The following VLDLR variants were observed in gnomAD, a reference collection of about 807,000 sequenced individuals.
VLDLR encodes the protein very low-density lipoprotein receptor.
Under a neutral mutation model 112.7 loss-of-function variants are expected in VLDLR, and 81 were observed. The observed-to-expected ratio is 0.72, with a 90% CI of 0.60 to 0.86. The LOEUF (loss-of-function observed/expected upper bound fraction) is 0.86. Ranked by LOEUF, VLDLR falls within the 40% of genes least tolerant of loss-of-function variation. VLDLR has a pLI of 0.00. For missense variants in VLDLR, 1,237 were observed against 1,099.4 expected (o/e 1.13, Z -1.77); for synonymous variants, 436 against 384.8 (o/e 1.13, Z -1.56).
At chr9:2,651,725 C>T (rs760721105) in intron 16 of VLDLR, 149 bp from the exon 17 acceptor site, 3 of 933,578 alleles carry the variant, frequency 3.2e-6, no homozygotes, top group Non-Finnish European at 5.0e-6. Flanking sequence ...GACTCAAATA[C>T]TTCTAAGCCA....
intron 1 of VLDLR, among the ~76,000 whole-genome samples, chr9:2,634,720 A>T (rs1817525168): frequency 1.3e-5 from 2 of 152,074 alleles, no homozygotes; most frequent in African/African-American, 2.4e-5. Flanking sequence ...TTCCCTCTTA[A>T]CTATACTTTC....
Position 2,644,949 on chromosome 9 carries a change from C to T in VLDLR, c.1187-8C>T, listed in dbSNP as rs750291780. On this transcript the variant is annotated splice_region_variant and splice_polypyrimidine_tract_variant and intron_variant, in intron 8 of 18. Transcript: ENST00000382100. ...GAGCAGCAAGACTAATTCTGATTTCCCTCCCAGATATTGATGAATGCCAAA... is the reference window on the plus strand; with the variant it reads ...GAGCAGCAAGACTAATTCTGATTTCTCTCCCAGATATTGATGAATGCCAAA... The T allele has an allele frequency of 6.2e-7, 1 of 1,614,128 alleles. No individual in the cohort carries two copies. The highest frequency in any genetic ancestry group is 2.2e-5 in the East Asian group (1 of 44,872).
chr9:2,653,088 G>C, intron 18 of VLDLR, 139 bp downstream of exon 18: 1 of 1,111,792 alleles, frequency 9.0e-7, no homozygotes, highest in Non-Finnish European at 1.3e-6. Context: ...TAGACAGACA[G>C]TATAGCCTGT....
rs1586626904 is a variant in VLDLR at position 2,622,194 on chromosome 9, G to T, written c.5G>T (p.Gly2Val). 1 of 1,496,590 alleles carries T rather than the reference G, an allele frequency of 6.7e-7. No homozygotes were observed. The highest frequency in any genetic ancestry group is 1.3e-5 in the South Asian group (1 of 78,756). The allele number at this position is 1,496,590 out of a possible 1,614,324, so 92.7% of individuals were successfully genotyped here. A position where few individuals can be genotyped will look rare whatever the true frequency, so the allele number is the denominator to read the frequency against. M[G>V]TSALWALWLL... Reference sequence around the variant, plus strand: ...GGCACCATCCAGGCGGGCACCATGGGCACGTCCGCGCTCTGGGCGCTCTGG... The same window carrying T: ...GGCACCATCCAGGCGGGCACCATGGTCACGTCCGCGCTCTGGGCGCTCTGG... The change falls in exon 1 of 19, where the codon GGC becomes GTC. Residue 2 changes from glycine to valine, a missense_variant. Physicochemically the swap from Gly to Val is moderately radical, Grantham distance 109. Coordinates refer to ENST00000382100, the MANE Select transcript of VLDLR (RefSeq NM_003383.5).
rs754721607 is a variant in VLDLR, at chr9:2,652,899, T to C, written c.2536T>C (p.Ser846Pro). The C allele has an allele frequency of 6.2e-7, 1 of 1,614,114 alleles. No individual in the cohort carries two copies. The highest frequency in any genetic ancestry group is 8.5e-7 in the Non-Finnish European group (1 of 1,179,994). Residue 846 changes from serine to proline, a missense_variant, in exon 18 of 19, where the codon TCC (serine) becomes CCC (proline). Transcript: ENST00000382100. The stretch of plus-strand genomic sequence containing the variant: ...CTTGAAAACCACTGAAGAGGACCTC[T>C]CCATAGACATTGGTAGACACAGTGC... ...VYLKTTEEDL[S>P]IDIGRHSASV... is the part of the protein sequence containing the mutation.
Position 2,641,440 on chromosome 9 carries a change from T to C in VLDLR, c.389T>C (p.Val130Ala), listed in dbSNP as rs781628975. 6.8e-6 allele frequency: 11 copies of C among 1,614,170 alleles called. No homozygotes were observed. The East Asian group carries it at 2.5e-4, about 36-fold the overall frequency. Reference protein sequence around the residue: ...CGAHSTQCIPVSWRCDGENDC... With the variant: ...CGAHSTQCIPASWRCDGENDC... ...GCCCATTCTACTCAGTGTATCCCAGTGTCCTGGAGATGTGATGGTGAAAAT... is the reference window on the plus strand; with the variant it reads ...GCCCATTCTACTCAGTGTATCCCAGCGTCCTGGAGATGTGATGGTGAAAAT... The change falls in exon 4 of 19, where the codon GTG becomes GCG. Residue 130 changes from valine to alanine, a missense_variant. Physicochemically the swap from Val to Ala is moderately conservative, Grantham distance 64. Coordinates refer to ENST00000382100, the MANE Select transcript of VLDLR (RefSeq NM_003383.5).
rs200297150 is a variant in VLDLR, at chr9:2,648,357, G to T, written c.1962+10G>T. 2 of 1,614,088 alleles carry T rather than the reference G, an allele frequency of 1.2e-6. No individual in the cohort carries two copies. The highest frequency in any genetic ancestry group is 2.2e-5 in the East Asian group (1 of 44,874). On this transcript the variant is annotated intron_variant, in intron 13 of 18. Coordinates refer to ENST00000382100, the MANE Select transcript of VLDLR (RefSeq NM_003383.5). ...ACTAACAATATTTGAGGTAAGATGT[G>T]TCTCACATCAAAGTGTGTACCTTTG...
intron 15 of VLDLR, among the ~76,000 whole-genome samples, 156 bp from the exon 16 acceptor site, chr9:2,651,259 T>C (rs1304395479): frequency 6.6e-6 from 1 of 152,236 alleles, no homozygotes; most frequent in African/African-American, 2.4e-5. Context: ...AAGATTGCTA[T>C]TTCAATGTTG....
rs1337171439 is a variant in VLDLR at position 2,635,500 on chromosome 9, C to T, written c.130C>T (p.Arg44Cys). 1.2e-6 allele frequency: 2 copies of T among 1,614,038 alleles called. No homozygotes were observed. Among genetic ancestry groups the T allele is most frequent in the Non-Finnish European group, 1.7e-6 (2 of 1,179,984 alleles). Residue 44 changes from arginine (R) to cysteine (C), a missense_variant, in exon 2 of 19, where the codon CGC becomes TGC. By Grantham distance (180) the Arg-to-Cys change is radical. Transcript: ENST00000382100. ...CTCCCAATTCCAGTGCACAAATGGT[C>T]GCTGTATTACGCTGTTGTGGAAATG... ...EPSQFQCTNG[R>C]CITLLWKCDG...
At chr9:2,640,082 C>T in intron 3 of VLDLR, 101 bp downstream of exon 3, 4 of 1,599,362 alleles carry the variant, frequency 2.5e-6, no homozygotes, top group Middle Eastern at 1.7e-4. Context: ...TTTTTCTTTG[C>T]CTGCCTTAAA....
rs1818713892 is a variant in VLDLR, at chr9:2,659,166, A to G, written c.*5298A>G. ...ACTTGCTCTTCACAGCAACCCTAAT[A>G]GGTATCTCCATTTTACATAGGTAAA... On this transcript the variant is annotated 3_prime_UTR_variant, in exon 19 of 19. Coordinates refer to ENST00000382100, the MANE Select transcript of VLDLR (RefSeq NM_003383.5). The G allele has an allele frequency of 6.6e-6, 1 of 152,210 alleles. No individual in the cohort carries two copies. The highest frequency in any genetic ancestry group is 1.5e-5 in the Non-Finnish European group (1 of 68,036). 9.4% of individuals were successfully genotyped at this position (152,210 alleles called of 1,614,324 possible). A position where few individuals can be genotyped will look rare whatever the true frequency, so the allele number is the denominator to read the frequency against.
intron 3 of VLDLR, 51 bp from the exon 4 acceptor site, chr9:2,641,326 C>T: frequency 6.2e-7 from 1 of 1,612,882 alleles, no homozygotes; most frequent in Non-Finnish European, 8.5e-7. Context: ...GGAGCAGCAG[C>T]TTTGCATTGA....
chr9:2,644,750 G>C lies in VLDLR; in HGVS notation c.1083G>C (p.Leu361Phe). 2 of 1,614,084 alleles carry C rather than the reference G, an allele frequency of 1.2e-6. No individual in the cohort carries two copies. Among genetic ancestry groups the C allele is most frequent in the African/African-American group, 1.3e-5 (1 of 75,014 alleles). The change falls in exon 8 of 19, where the codon TTG (leucine) becomes TTC (phenylalanine). Residue 361 changes from leucine to phenylalanine, a missense_variant. Leu to Phe is a conservative substitution (Grantham distance 22). Coordinates refer to ENST00000382100, the MANE Select transcript of VLDLR (RefSeq NM_003383.5). Reference sequence around the variant, plus strand: ...TTATTCCAGATATAAACGAATGCTTGGTAAATAATGGTGGATGTTCTCATA... The same window carrying C: ...TTATTCCAGATATAAACGAATGCTTCGTAAATAATGGTGGATGTTCTCATA... ...PLKECHINECLVNNGGCSHIC... is the reference protein window; with the variant it reads ...PLKECHINECFVNNGGCSHIC...
At chr9:2,638,130 T>C (rs1374076099) in intron 2 of VLDLR, among the ~76,000 whole-genome samples, 3 of 152,184 alleles carry the variant, frequency 2.0e-5, no homozygotes, top group Non-Finnish European at 4.4e-5. Context: ...TGAATAGCAC[T>C]TAATTCATTA....
In VLDLR at chr9:2,622,167, G is replaced by GCGGCGGCGGCGGCAC. The variant is rs1554617688; in HGVS notation, c.-19_-18insGGCGGCGGCACCGGC. The stretch of plus-strand genomic sequence containing the variant: ...GCGAACGGCGGCGGCGGCGGCGGCG[G>GCGGCGGCGGCGGCAC]CGGCACCATCCAGGCGGGCACCATG... On this transcript the variant is annotated 5_prime_UTR_variant, in exon 1 of 19. Coordinates refer to ENST00000382100, the MANE Select transcript of VLDLR (RefSeq NM_003383.5). 2 of 1,417,716 alleles carry GCGGCGGCGGCGGCAC rather than the reference G, an allele frequency of 1.4e-6. No individual in the cohort carries two copies. The highest frequency in any genetic ancestry group is 2.5e-5 in the Admixed American group (1 of 39,776). 87.8% of individuals were successfully genotyped at this position (1,417,716 alleles called of 1,614,324 possible).
In VLDLR at chr9:2,654,188, A is replaced by G; in HGVS notation, c.*320A>G. ...AGCAGTGAAACTTGTGCTATAGTGTATACCACCTGTACATACATTGTATAG... is the reference window on the plus strand; with the variant it reads ...AGCAGTGAAACTTGTGCTATAGTGTGTACCACCTGTACATACATTGTATAG... On this transcript the variant is annotated 3_prime_UTR_variant, in exon 19 of 19. Coordinates refer to ENST00000382100, the MANE Select transcript of VLDLR (RefSeq NM_003383.5). 2.5e-6 allele frequency: 1 copy of G among 392,616 alleles called. No homozygotes were observed. The highest frequency in any genetic ancestry group is 4.8e-6 in the Non-Finnish European group (1 of 207,020). 24.3% of individuals were successfully genotyped at this position (392,616 alleles called of 1,614,324 possible). A position where few individuals can be genotyped will look rare whatever the true frequency, so the allele number is the denominator to read the frequency against.
chr9:2,638,457 C>T (rs1437241974), intron 2 of VLDLR, among the ~76,000 whole-genome samples: 2 of 152,140 alleles, frequency 1.3e-5, no homozygotes, highest in Non-Finnish European at 2.9e-5. Context: ...TTTACCTTCA[C>T]AGAATATATG....
chr9:2,632,830 GTCCCTC>G (rs1817417351), intron 1 of VLDLR, among the ~76,000 whole-genome samples: 1 of 152,188 alleles, frequency 6.6e-6, no homozygotes, highest in African/African-American at 2.4e-5. Flanking sequence ...CCCAGTAGCA[GTCCCTC>G]AAAACAAAGT....
At chr9:2,633,934 T>C (rs1817482740) in intron 1 of VLDLR, among the ~76,000 whole-genome samples, 1 of 152,126 alleles carries the variant, frequency 6.6e-6, no homozygotes, top group Non-Finnish European at 1.5e-5. Context: ...GACAACAATC[T>C]CTACCCTCCT....
Sources: gnomAD v4.1 joint callset for allele counts (sites outside exome capture counted in the v4.1 genomes callset) on GRCh38, gnomAD v4.1.1 for gene constraint, MANE v1.5 for transcripts, NCBI Gene and HGNC (gene_info 2026-07-23, HGNC 2026-07-21) for gene names.